Variants in GPC3 observed in about 807,000 individuals in gnomAD.
GPC3 encodes the protein glypican 3.
Under a neutral mutation model 34.4 loss-of-function variants are expected in GPC3, and 3 were observed. The observed-to-expected ratio is 0.09, with a 90% CI of 0.04 to 0.23. The LOEUF (loss-of-function observed/expected upper bound fraction) is 0.23, where lower values mean the gene tolerates loss of function less well. GPC3 is among the 10% of genes least tolerant of loss of function. The pLI, the probability that GPC3 is intolerant of heterozygous loss-of-function variation, is 1.00. For missense variants in GPC3, 351 were observed against 445.6 expected (o/e 0.79, Z 1.91); for synonymous variants, 177 against 174.0 (o/e 1.02, Z -0.13).
intron 2 of GPC3, among the ~76,000 whole-genome samples, chrX:133,826,874 G>A (rs929691487): frequency 8.9e-6 from 1 of 111,908 alleles, no homozygotes; most frequent in Non-Finnish European, 1.9e-5. Flanking sequence ...AAGGCCAGAA[G>A]ATGGTGGATT....
At chrX:133,792,102 C>T (rs2072171000) in intron 2 of GPC3, among the ~76,000 whole-genome samples, 1 of 109,962 alleles carries the variant, frequency 9.1e-6, no homozygotes, top group Non-Finnish European at 1.9e-5. Flanking sequence ...TGGTCTCAAA[C>T]TCCTGGCCTC....
chrX:133,554,769 A>T (rs749063030), intron 7 of GPC3, among the ~76,000 whole-genome samples: 2 of 112,119 alleles, frequency 1.8e-5, no homozygotes, highest in African/African-American at 3.2e-5. Flanking sequence ...TAGGGGAACG[A>T]CACAGCAGTA....
rs535034983 is a variant in GPC3, at chrX:133,802,044, A to G, written c.338-47868T>C. On this transcript the variant is annotated intron_variant, in intron 2 of 7. Coordinates refer to ENST00000370818, the MANE Select transcript of GPC3 (RefSeq NM_004484.4). ...TTCGCCATTCCCAAGACACTTAATT[A>G]TAAACTCTAACAGTCTTAATCATAA... Among the ~76,000 whole-genome samples, 13 of 112,220 alleles carry G rather than the reference A, an allele frequency of 1.2e-4. No individual in the cohort carries two copies. The South Asian group carries it at 4.8e-3, about 41-fold the overall frequency.
chrX:133,631,619 T>C (rs1001681330), intron 6 of GPC3, among the ~76,000 whole-genome samples: 6 of 111,767 alleles, frequency 5.4e-5, no homozygotes, highest in Non-Finnish European at 1.1e-4. Flanking sequence ...TTTTGAATAT[T>C]AAATACACCC....
intron 4 of GPC3, among the ~76,000 whole-genome samples, chrX:133,696,997 C>T (rs1344392347): frequency 1.8e-5 from 2 of 112,088 alleles, no homozygotes; most frequent in East Asian, 2.8e-4. Context: ...GCTGGGTGCA[C>T]GTGATCATCC....
At chrX:133,866,897 C>A (rs2075970512) in intron 2 of GPC3, among the ~76,000 whole-genome samples, 1 of 110,820 alleles carries the variant, frequency 9.0e-6, no homozygotes, top group Non-Finnish European at 1.9e-5. Context: ...CCATTTAGCA[C>A]CTGAATAAGA....
At chrX:133,624,700 A>G (rs2070278844) in intron 6 of GPC3, among the ~76,000 whole-genome samples, 1 of 111,653 alleles carries the variant, frequency 9.0e-6, no homozygotes, top group South Asian at 3.8e-4. Flanking sequence ...GTCCAGGACC[A>G]GAGGGATTCA....
At chrX:133,890,626 C>A (rs915192808) in intron 2 of GPC3, among the ~76,000 whole-genome samples, 1 of 109,781 alleles carries the variant, frequency 9.1e-6, no homozygotes, top group African/African-American at 3.3e-5. Context: ...GAGAGGCCGA[C>A]GCGGGTGGAT....
intron 2 of GPC3, among the ~76,000 whole-genome samples, chrX:133,791,224 A>G (rs1386463450): frequency 9.0e-6 from 1 of 111,583 alleles, no homozygotes; most frequent in Non-Finnish European, 1.9e-5. Context: ...GGTTGAGGGG[A>G]TAGCAAGTGA....
chrX:133,596,477 T>G lies in GPC3; in HGVS notation c.1536A>C (p.Gly512=), dbSNP rs1453935606. The change falls in exon 7 of 8, where the codon GGA becomes GGC. Residue 512 remains glycine, a synonymous_variant. Transcript: ENST00000370818. ...GGAGCTGATTCTTCACTTTTATCAT[T>G]CCATCACCAGAGCCTCCAATGCACT... ...EDECIGGSGD[G]MIKVKNQLRF... is the part of the protein sequence containing the mutation. The G allele has an allele frequency of 1.7e-6, 2 of 1,208,052 alleles. No individual in the cohort carries two copies. Among genetic ancestry groups the G allele is most frequent in the African/African-American group, 3.5e-5 (2 of 57,060 alleles).
At position 133,758,650 on chromosome X, in the gene GPC3, G is replaced by A. The variant is rs186557520; in HGVS notation, c.338-4474C>T. 2.8e-4 allele frequency among the ~76,000 whole-genome samples: 31 copies of A among 110,436 alleles called. No homozygotes were observed. In the East Asian group the frequency reaches 4.3e-3, roughly 15 times the overall value. ...AGCACAGTAAATCACCATGGCACAC[G>A]TTTACCTATATAACAAACCTACACA... is the stretch of plus-strand genomic sequence containing the variant. On this transcript the variant is annotated intron_variant, in intron 2 of 7. Coordinates refer to ENST00000370818, the MANE Select transcript of GPC3 (RefSeq NM_004484.4).
At chrX:133,887,110 G>A (rs949736831) in intron 2 of GPC3, among the ~76,000 whole-genome samples, 1 of 112,020 alleles carries the variant, frequency 8.9e-6, no homozygotes, top group African/African-American at 3.2e-5. Context: ...AGGCTCAGAT[G>A]ATCCTCCCAC....
intron 7 of GPC3, among the ~76,000 whole-genome samples, chrX:133,548,742 A>G (rs1428713140): frequency 9.0e-6 from 1 of 111,333 alleles, no homozygotes; most frequent in Non-Finnish European, 1.9e-5. Flanking sequence ...GGTGGGAGGT[A>G]ATTGAATCAC....
chrX:133,789,168 T>C (rs2072137110), intron 2 of GPC3, among the ~76,000 whole-genome samples: 1 of 111,493 alleles, frequency 9.0e-6, no homozygotes, highest in Non-Finnish European at 1.9e-5. Flanking sequence ...AAAGTATTCA[T>C]TTGAGGTATT....
chrX:133,914,944 A>AAAATATATAT (rs2076216971), intron 2 of GPC3, among the ~76,000 whole-genome samples: 1 of 49,934 alleles, frequency 2.0e-5, no homozygotes, highest in Non-Finnish European at 3.4e-5. Flanking sequence ...TCAAACTGGA[A>AAAATATATAT]ATATATATAT....
chrX:133,953,195 T>A lies in GPC3; in HGVS notation c.192A>T (p.Val64=), dbSNP rs2076401014. ...AGCATGTTGGGCCCTTAGGGAGACATACTTGCAAATCTGATCCTGAAACAA... is the reference window on the plus strand; with the variant it reads ...AGCATGTTGGGCCCTTAGGGAGACAAACTTGCAAATCTGATCCTGAAACAA... The part of the protein sequence containing the change: ...ETPVPGSDLQ[V]CLPKGPTCCS... The change falls in exon 2 of 8, where the codon GTA becomes GTT. Residue 64 remains valine (V), a synonymous_variant. Coordinates refer to ENST00000370818, the MANE Select transcript of GPC3 (RefSeq NM_004484.4). The A allele has an allele frequency of 1.7e-6, 2 of 1,207,207 alleles. No homozygotes were observed. Among genetic ancestry groups the A allele is most frequent in the Admixed American group, 4.4e-5 (2 of 45,504 alleles).
intron 2 of GPC3, among the ~76,000 whole-genome samples, chrX:133,788,757 C>A (rs1230915370): frequency 9.9e-6 from 1 of 101,016 alleles, no homozygotes; most frequent in Non-Finnish European, 2.0e-5. Context: ...CTCCTCCCCC[C>A]CTTCCTTTTC....
At chrX:133,569,572 T>A (rs901631516) in intron 7 of GPC3, among the ~76,000 whole-genome samples, 19 of 112,524 alleles carry the variant, frequency 1.7e-4, no homozygotes, top group Non-Finnish European at 2.6e-4. Context: ...AAAACAGCCC[T>A]GAAGCATCAT....
chrX:133,569,149 C>A (rs1407411198), intron 7 of GPC3, among the ~76,000 whole-genome samples: 1 of 111,357 alleles, frequency 9.0e-6, no homozygotes, highest in Non-Finnish European at 1.9e-5. Context: ...GCCTGGGGGA[C>A]AAAGTGAGAC....
Sources: allele counts gnomAD v4.1 joint callset (sites outside exome capture counted in the v4.1 genomes callset), GRCh38; gene constraint gnomAD v4.1.1; transcripts MANE v1.5; gene names NCBI Gene and HGNC (gene_info 2026-07-23, HGNC 2026-07-21).